Variants in ZC3H7B observed in about 807,000 individuals in gnomAD.
ZC3H7B encodes zinc finger CCCH domain-containing protein 7B.
A neutral mutation model predicts 116.0 loss-of-function variants in ZC3H7B; 35 were observed. The ratio of observed to expected loss-of-function variants is 0.30; its 90% CI spans 0.23 to 0.40. The LOEUF (loss-of-function observed/expected upper bound fraction) is 0.40. Among genes scored for constraint, ZC3H7B ranks in the 10% least tolerant of loss-of-function variants. The pLI is 1.00. For missense variants in ZC3H7B, 1,011 were observed against 1,321.5 expected (o/e 0.77, Z 3.64); for synonymous variants, 502 against 545.6 (o/e 0.92, Z 1.11).
At chr22:41,352,160 C>T (rs369276454) in intron 17 of ZC3H7B, among the ~76,000 whole-genome samples, 3 of 152,248 alleles carry the variant, frequency 2.0e-5, no homozygotes, top group East Asian at 3.9e-4. Context: ...GATGAAGAAA[C>T]GGTTCTTTAG....
intron 6 of ZC3H7B, among the ~76,000 whole-genome samples, chr22:41,331,347 G>A (rs552623509): frequency 2.2e-4 from 33 of 149,010 alleles, no homozygotes; most frequent in Non-Finnish European, 4.5e-4. Context: ...TCAGGAGATC[G>A]AGACCAGACC....
At chr22:41,315,593 C>A (rs888243654) in intron 1 of ZC3H7B, among the ~76,000 whole-genome samples, 1 of 152,094 alleles carries the variant, frequency 6.6e-6, no homozygotes, top group African/African-American at 2.4e-5. Context: ...AAATTTATTT[C>A]TTTACAGTTT....
rs1017386553 is a variant in ZC3H7B, at chr22:41,357,146, G to T, written c.2682-31G>T. On this transcript the variant is annotated intron_variant, in intron 22 of 22. Transcript: ENST00000352645. The surrounding 1 kb of genome is among the most constrained non-coding windows in gnomAD (Gnocchi z 5.4). The stretch of plus-strand genomic sequence containing the variant: ...CAGCCTGGGGTGGGAAGGGCACAGA[G>T]CTCGGGCAGTGAGCCTCCTGCCACC... 6.2e-7 allele frequency: 1 copy of T among 1,608,258 alleles called. No individual in the cohort carries two copies. Among genetic ancestry groups the T allele is most frequent in the Admixed American group, 1.7e-5 (1 of 59,914 alleles).
chr22:41,317,233 G>T (rs900100488), intron 1 of ZC3H7B, among the ~76,000 whole-genome samples: 2 of 152,056 alleles, frequency 1.3e-5, no homozygotes, highest in Non-Finnish European at 2.9e-5. Flanking sequence ...ACCCACCTCG[G>T]CCTCCCAAAT....
At chr22:41,306,401 T>A (rs1172384887) in intron 1 of ZC3H7B, among the ~76,000 whole-genome samples, 10 of 150,974 alleles carry the variant, frequency 6.6e-5, no homozygotes. Flanking sequence ...GAGACGGAGT[T>A]CCACTCTTGT....
In ZC3H7B at chr22:41,338,461, G is replaced by T; in HGVS notation, c.625+106G>T. 1 of 1,240,708 alleles carries T rather than the reference G, an allele frequency of 8.1e-7. No homozygotes were observed. 76.9% of individuals were successfully genotyped at this position (1,240,708 alleles called of 1,614,324 possible). A position where few individuals can be genotyped will look rare whatever the true frequency, so the allele number is the denominator to read the frequency against. Reference sequence around the variant, plus strand: ...CCCTGTAGATGGGAGGGCCTCCGAGGGGTTCCCCACCCTGGTACTCCCTGA... The same window carrying T: ...CCCTGTAGATGGGAGGGCCTCCGAGTGGTTCCCCACCCTGGTACTCCCTGA... On this transcript the variant is annotated intron_variant, in intron 8 of 22. Coordinates refer to ENST00000352645, the MANE Select transcript of ZC3H7B (RefSeq NM_017590.6). The surrounding 1 kb of genome is among the most constrained non-coding windows in gnomAD (Gnocchi z 4.5).
chr22:41,329,882 G>T, intron 5 of ZC3H7B, 141 bp from the exon 6 acceptor site: 1 of 667,476 alleles, frequency 1.5e-6, no homozygotes. Context: ...ACAAGCCAGG[G>T]ACACCTCCTG....
intron 11 of ZC3H7B, among the ~76,000 whole-genome samples, chr22:41,341,392 G>C (rs1291431861): frequency 6.6e-6 from 1 of 152,184 alleles, no homozygotes; most frequent in Non-Finnish European, 1.5e-5. Context: ...AGAGTGAAGT[G>C]ACTTCCCCAG....
chr22:41,309,478 C>T (rs2036090700), intron 1 of ZC3H7B, among the ~76,000 whole-genome samples: 1 of 151,654 alleles, frequency 6.6e-6, no homozygotes, highest in Non-Finnish European at 1.5e-5. Flanking sequence ...TAGGCCCGGC[C>T]TAATTTTTGT....
intron 16 of ZC3H7B, among the ~76,000 whole-genome samples, chr22:41,350,458 G>A (rs1181107153): frequency 2.7e-5 from 4 of 149,388 alleles, no homozygotes; most frequent in African/African-American, 9.9e-5. Context: ...GGCAGAAGCC[G>A]GGAGATCAGG....
rs2036728693 is a variant in ZC3H7B, at chr22:41,356,932, C to T, written c.2681+124C>T. The T allele has an allele frequency of 7.6e-6, 11 of 1,444,078 alleles. 1 individual carries two copies. The highest frequency in any genetic ancestry group is 9.4e-6 in the Non-Finnish European group (10 of 1,064,138). 89.5% of individuals were successfully genotyped at this position (1,444,078 alleles called of 1,614,324 possible). On this transcript the variant is annotated intron_variant, in intron 22 of 22. Transcript: ENST00000352645. Reference sequence around the variant, plus strand: ...AGGGAGTGGTGAGGCTTGGCTGTGACTGCAGCCATGGGGGTGGTGGGGAAG... The same window carrying T: ...AGGGAGTGGTGAGGCTTGGCTGTGATTGCAGCCATGGGGGTGGTGGGGAAG...
chr22:41,303,346 C>T (rs2035998641), intron 1 of ZC3H7B, among the ~76,000 whole-genome samples: 1 of 152,140 alleles, frequency 6.6e-6, no homozygotes, highest in Admixed American at 6.6e-5. Context: ...TTCTTAGCTG[C>T]TGGCTTTTGT....
chr22:41,309,038 G>GTTTTTT (rs2036083951), intron 1 of ZC3H7B, among the ~76,000 whole-genome samples: 2 of 77,448 alleles, frequency 2.6e-5, no homozygotes, highest in East Asian at 2.3e-4. Flanking sequence ...TTGAGACGGA[G>GTTTTTT]TTTCGCTCTG....
At chr22:41,322,886 C>T (rs2036275097) in intron 2 of ZC3H7B, among the ~76,000 whole-genome samples, 1 of 152,198 alleles carries the variant, frequency 6.6e-6, no homozygotes, top group Non-Finnish European at 1.5e-5. Context: ...CCTACCTCAG[C>T]CTCCCACGTA....
intron 3 of ZC3H7B, 42 bp downstream of exon 3, chr22:41,325,639 G>A (rs1384596253): frequency 3.1e-6 from 5 of 1,610,072 alleles, no homozygotes; most frequent in Admixed American, 1.7e-5. Flanking sequence ...GAAGGGCGGA[G>A]ATGTGCAGGG....
chr22:41,321,213 A>ATT (rs71847593), intron 2 of ZC3H7B, among the ~76,000 whole-genome samples: 9,731 of 129,746 alleles, frequency 0.075, 1,332 homozygotes, highest in East Asian at 0.44. Flanking sequence ...TACCCAGCTA[A>ATT]TTTTTTTTTT....
At chr22:41,322,297 C>G (rs1332153676) in intron 2 of ZC3H7B, among the ~76,000 whole-genome samples, 1 of 152,008 alleles carries the variant, frequency 6.6e-6, no homozygotes, top group African/African-American at 2.4e-5. Context: ...AAGCAATTCT[C>G]CTGCCTCAGC....
intron 1 of ZC3H7B, among the ~76,000 whole-genome samples, chr22:41,319,238 A>G (rs1226095451): frequency 6.6e-6 from 1 of 152,092 alleles, no homozygotes; most frequent in African/African-American, 2.4e-5. Context: ...CCTCTCTACT[A>G]AAAATACAAA....
At chr22:41,334,993 C>A in intron 7 of ZC3H7B, 1 of 152,342 alleles carries the variant, frequency 6.6e-6, no homozygotes. Context: ...GAGCCCAAGG[C>A]AGCCTTGGTT....
Sources: gnomAD v4.1 joint callset for allele counts (sites outside exome capture counted in the v4.1 genomes callset) on GRCh38, gnomAD v4.1.1 for gene constraint, Gnocchi (gnomAD v3.1) non-coding constraint, MANE v1.5 for transcripts, NCBI Gene and HGNC (gene_info 2026-07-23, HGNC 2026-07-21) for gene names.